The following RUNX2 variants were observed in gnomAD, a reference collection of about 807,000 sequenced individuals.
RUNX2 encodes the protein RUNX family transcription factor 2.
A neutral mutation model predicts 51.7 loss-of-function variants in RUNX2; 10 were observed. The observed-to-expected ratio is 0.19, with a 90% CI of 0.12 to 0.33. The LOEUF (loss-of-function observed/expected upper bound fraction) is 0.33, where lower values mean the gene tolerates loss of function less well. RUNX2 is among the 10% of genes least tolerant of loss of function. RUNX2 has a pLI of 1.00. For synonymous variants in RUNX2, 276 were observed against 273.6 expected, an observed-to-expected ratio of 1.01 and a Z score of -0.09; for missense variants, 562 against 691.3, an observed-to-expected ratio of 0.81 and a Z score of 2.10.
At chr6:45,543,025 G>A (rs761352183) in intron 7 of RUNX2, among the ~76,000 whole-genome samples, 10 of 152,082 alleles carry the variant, frequency 6.6e-5, no homozygotes, top group African/African-American at 9.7e-5. Context: ...GGGGGATCTC[G>A]GATCATAGCC....
chr6:45,512,386 G>A lies in RUNX2; in HGVS notation c.1000G>A (p.Asp334Asn), dbSNP rs373752642. The change falls in exon 7 of 9, where the codon GAT (aspartate) becomes AAT (asparagine). Residue 334 changes from aspartate to asparagine, a missense_variant. Coordinates refer to ENST00000647337, the MANE Select transcript of RUNX2 (RefSeq NM_001024630.4). The part of the protein sequence containing the change: ...TRGTGLPAIT[D>N]VPRRISDDDT... ...GGGCACTGGGCTTCCTGCCATCACC[G>A]ATGTGCCTAGGCGCATTTCAGGTAA... 1.4e-5 allele frequency: 23 copies of A among 1,613,946 alleles called. No individual in the cohort carries two copies. The highest frequency in any genetic ancestry group is 8.9e-5 in the East Asian group (4 of 44,858).
intron 6 of RUNX2, among the ~76,000 whole-genome samples, chr6:45,505,063 G>A (rs1005406180): frequency 3.3e-5 from 5 of 152,254 alleles, no homozygotes; most frequent in African/African-American, 4.8e-5. Flanking sequence ...TTTTGTATGC[G>A]GGTTCAGGCT....
At chr6:45,372,127 T>A (rs1377665937) in intron 2 of RUNX2, 1 of 584,198 alleles carries the variant, frequency 1.7e-6, no homozygotes, top group East Asian at 1.4e-4. Context: ...CAAACCACAA[T>A]GGAAGCAGTA....
chr6:45,495,598 G>A (rs974547444), intron 6 of RUNX2, among the ~76,000 whole-genome samples: 2 of 152,172 alleles, frequency 1.3e-5, no homozygotes, highest in African/African-American at 4.8e-5. Flanking sequence ...GAAGGGCCCA[G>A]TTTCCTCTCT....
intron 2 of RUNX2, among the ~76,000 whole-genome samples, chr6:45,390,586 G>T (rs1321080): frequency 0.2 from 29,674 of 152,102 alleles, 3,276 homozygotes; most frequent in Non-Finnish European, 0.26. Context: ...TGTGGTGAGG[G>T]TATAAATGTG....
intron 2 of RUNX2, chr6:45,421,978 G>A (rs1326714903): frequency 2.0e-5 from 3 of 151,190 alleles, no homozygotes; most frequent in Non-Finnish European, 4.4e-5. Context: ...AGCCGGGCTG[G>A]CAGCCGCCGC....
At chr6:45,332,881 C>T (rs1475412754) in intron 2 of RUNX2, among the ~76,000 whole-genome samples, 1 of 151,668 alleles carries the variant, frequency 6.6e-6, no homozygotes, top group Non-Finnish European at 1.5e-5. Flanking sequence ...TAAGCAGAGA[C>T]TTCTCAATAC....
At chr6:45,384,256 G>A (rs1450677725) in intron 2 of RUNX2, among the ~76,000 whole-genome samples, 1 of 151,932 alleles carries the variant, frequency 6.6e-6, no homozygotes, top group Non-Finnish European at 1.5e-5. Flanking sequence ...CAGGGGTGGG[G>A]GGAGTGGTTG....
intron 2 of RUNX2, among the ~76,000 whole-genome samples, chr6:45,356,512 C>T (rs1186406628): frequency 1.3e-5 from 2 of 152,088 alleles, no homozygotes; most frequent in South Asian, 2.1e-4. Flanking sequence ...ATTCTCCTGC[C>T]TCAGCCTCCT....
At chr6:45,527,650 G>A (rs560059222) in intron 7 of RUNX2, among the ~76,000 whole-genome samples, 6 of 152,260 alleles carry the variant, frequency 3.9e-5, no homozygotes, top group African/African-American at 1.2e-4. Flanking sequence ...TAATTCAGGA[G>A]TTACTTGATT....
chr6:45,357,045 C>G (rs111575422), intron 2 of RUNX2, among the ~76,000 whole-genome samples: 2 of 151,990 alleles, frequency 1.3e-5, no homozygotes, highest in South Asian at 4.1e-4. Context: ...CTCACTCTGT[C>G]GCCCAGGCTG....
At chr6:45,332,898 T>C (rs1787793630) in intron 2 of RUNX2, among the ~76,000 whole-genome samples, 1 of 151,716 alleles carries the variant, frequency 6.6e-6, no homozygotes, top group African/African-American at 2.4e-5. Flanking sequence ...ATACGTTACC[T>C]TAATGTACTA....
chr6:45,474,957 G>A (rs993648471), intron 5 of RUNX2, among the ~76,000 whole-genome samples: 3 of 151,910 alleles, frequency 2.0e-5, no homozygotes, highest in African/African-American at 7.3e-5. Context: ...CCCATCACAT[G>A]GGCTAGAAAG....
chr6:45,443,996 G>A (rs1201614164), intron 5 of RUNX2, among the ~76,000 whole-genome samples: 7 of 152,080 alleles, frequency 4.6e-5, no homozygotes, highest in Admixed American at 4.6e-4. Context: ...GATTACAGGT[G>A]TGTACCACCA....
intron 2 of RUNX2, among the ~76,000 whole-genome samples, chr6:45,377,089 A>C (rs1335096440): frequency 1.4e-5 from 2 of 142,816 alleles, no homozygotes; most frequent in Non-Finnish European, 3.2e-5. Context: ...TGATTCTCTG[A>C]GAAAATAAGG....
chr6:45,421,562 T>C (rs1465946786), intron 2 of RUNX2: 2 of 152,210 alleles, frequency 1.3e-5, no homozygotes, highest in East Asian at 3.9e-4. Context: ...TTTCCTCCTC[T>C]CCTGAAGTTA....
At chr6:45,445,144 C>T (rs891190094) in intron 5 of RUNX2, among the ~76,000 whole-genome samples, 4 of 152,132 alleles carry the variant, frequency 2.6e-5, no homozygotes, top group Non-Finnish European at 5.9e-5. Context: ...CCTGCCTCAG[C>T]CTCCTGAGTA....
chr6:45,375,901 T>C (rs549077565), intron 2 of RUNX2, among the ~76,000 whole-genome samples: 1 of 152,292 alleles, frequency 6.6e-6, no homozygotes, highest in African/African-American at 2.4e-5. Context: ...TTCACTTATC[T>C]CTCCAAAAGA....
intron 2 of RUNX2, among the ~76,000 whole-genome samples, chr6:45,346,146 A>G (rs1031195877): frequency 6.6e-6 from 1 of 151,954 alleles, no homozygotes; most frequent in Non-Finnish European, 1.5e-5. Flanking sequence ...CTCTTTTCAC[A>G]TACTTACCTG....
Sources: allele counts gnomAD v4.1 joint callset (sites outside exome capture counted in the v4.1 genomes callset), GRCh38; gene constraint gnomAD v4.1.1; transcripts MANE v1.5; gene names NCBI Gene and HGNC (gene_info 2026-07-23, HGNC 2026-07-21).